SORCS1: variants seen among roughly 807,000 people sequenced by gnomAD.
The protein encoded by SORCS1 is sortilin related VPS10 domain containing receptor 1, also known as VPS10 domain-containing receptor SorCS1.
Under a neutral mutation model 146.1 loss-of-function variants are expected in SORCS1, and 60 were observed. The ratio of observed to expected loss-of-function variants is 0.41; its 90% CI spans 0.33 to 0.51. The LOEUF (loss-of-function observed/expected upper bound fraction) is 0.51, where lower values mean the gene tolerates loss of function less well. Ranked by LOEUF, SORCS1 falls within the 20% of genes least tolerant of loss-of-function variation. The pLI is 0.21. For synonymous variants in SORCS1, 637 were observed against 584.0 expected (o/e 1.09, Z -1.31); for missense variants, 1,352 against 1,487.6 (o/e 0.91, Z 1.50).
At position 106,953,174 on chromosome 10, in the gene SORCS1, T is replaced by C. The variant is rs187892899; in HGVS notation, c.626+3339A>G. ...GTGTGTGTGTGTGTGTGTGTGTGTG[T>C]GCATGCGTGTGTGTATACGCATGGT... is the stretch of plus-strand genomic sequence containing the variant. On this transcript the variant is annotated intron_variant, in intron 2 of 25. Transcript: ENST00000263054. Among the ~76,000 whole-genome samples, 544 of 150,074 alleles carry C rather than the reference T, an allele frequency of 3.6e-3. 1 individual carries two copies. The highest frequency in any genetic ancestry group is 0.012 in the African/African-American group (506 of 40,692).
At chr10:106,952,547 T>C (rs1174404749) in intron 2 of SORCS1, among the ~76,000 whole-genome samples, 1 of 124,086 alleles carries the variant, frequency 8.1e-6, no homozygotes, top group Non-Finnish European at 1.5e-5. Flanking sequence ...ACATTATATA[T>C]TATATTATAT....
intron 1 of SORCS1, among the ~76,000 whole-genome samples, chr10:107,084,659 A>G (rs1963628486): frequency 6.6e-6 from 1 of 152,150 alleles, no homozygotes; most frequent in African/African-American, 2.4e-5. Context: ...TTACAAATGC[A>G]AGCTAATCAA....
At chr10:106,931,396 C>T (rs1468064479) in intron 2 of SORCS1, among the ~76,000 whole-genome samples, 2 of 152,190 alleles carry the variant, frequency 1.3e-5, no homozygotes, top group Non-Finnish European at 2.9e-5. Flanking sequence ...GCTACAAAAA[C>T]AACTGCAAGA....
intron 24 of SORCS1, among the ~76,000 whole-genome samples, chr10:106,588,722 G>A (rs375125957): frequency 6.6e-6 from 1 of 151,690 alleles, no homozygotes; most frequent in South Asian, 2.1e-4. Context: ...TTAGCCGGGC[G>A]TGGTGGCAGG....
the SORCS1 span, among the ~76,000 whole-genome samples, chr10:107,180,389 C>T: frequency 0.64 from 80,824 of 127,032 alleles, 22,338 homozygotes; most frequent in Middle Eastern, 0.74. Context: ...AAGGTGTTGG[C>T]TGGGCTTAGG....
intron 2 of SORCS1, among the ~76,000 whole-genome samples, chr10:106,905,776 A>G (rs1208957287): frequency 3.9e-5 from 6 of 152,218 alleles, no homozygotes; most frequent in Non-Finnish European, 8.8e-5. Flanking sequence ...GTGTGCCTGT[A>G]TGCATTTGTA....
At chr10:107,025,783 G>A (rs552961032) in intron 1 of SORCS1, among the ~76,000 whole-genome samples, 36 of 152,298 alleles carry the variant, frequency 2.4e-4, no homozygotes, top group Admixed American at 5.9e-4. Flanking sequence ...TAGGAACCAC[G>A]GGAGTCTTTT....
In SORCS1 at chr10:107,000,015, T is replaced by A. The variant is rs183268327; in HGVS notation, c.559-43435A>T. Among the ~76,000 whole-genome samples, 48 of 151,706 alleles carry A rather than the reference T, an allele frequency of 3.2e-4. 2 individuals carry two copies. Among genetic ancestry groups the A allele is most frequent in the East Asian group, 3.1e-3 (16 of 5,152 alleles). On this transcript the variant is annotated intron_variant, in intron 1 of 25. Coordinates refer to ENST00000263054, the MANE Select transcript of SORCS1 (RefSeq NM_052918.5). ...TAGGGGCAAGCCAGAAAGAATCAGGTGAGGAGGGAAGCAGAGAAGTGGGAG... is the reference window on the plus strand; with the variant it reads ...TAGGGGCAAGCCAGAAAGAATCAGGAGAGGAGGGAAGCAGAGAAGTGGGAG...
rs187547433 is a variant in SORCS1 at position 106,883,389 on chromosome 10, A to T, written c.627-53716T>A. Among the ~76,000 whole-genome samples the T allele has an allele frequency of 5.9e-5, 9 of 151,650 alleles. No homozygotes were observed. In the East Asian group the frequency reaches 1.6e-3, roughly 26 times the overall value. ...GGGGCCATAGGAGCTAAAGTGCAAC[A>T]TCATTTAAAAATATAATTAGCAAAT... On this transcript the variant is annotated intron_variant, in intron 2 of 25. Transcript: ENST00000263054.
intron 5 of SORCS1, among the ~76,000 whole-genome samples, chr10:106,739,623 C>T (rs374687400): frequency 8.6e-5 from 13 of 151,392 alleles, no homozygotes; most frequent in African/African-American, 2.4e-4. Context: ...CTGGCTAACA[C>T]GATGAAACCC....
the SORCS1 span, among the ~76,000 whole-genome samples, chr10:107,170,077 AT>A: frequency 6.6e-6 from 1 of 152,194 alleles, no homozygotes; most frequent in Admixed American, 6.5e-5. Flanking sequence ...GTATTATTAG[AT>A]TTTTGAAAAT....
At chr10:107,082,868 T>C (rs559941966) in intron 1 of SORCS1, among the ~76,000 whole-genome samples, 1 of 152,030 alleles carries the variant, frequency 6.6e-6, no homozygotes, top group East Asian at 1.9e-4. Flanking sequence ...TCTGTGAAAG[T>C]CAGCTGCTTG....
At chr10:106,810,905 T>C (rs577602831) in intron 3 of SORCS1, among the ~76,000 whole-genome samples, 1 of 152,164 alleles carries the variant, frequency 6.6e-6, no homozygotes, top group South Asian at 2.1e-4. Flanking sequence ...GGCTAGTTTT[T>C]ATGTCAAAGG....
intron 21 of SORCS1, among the ~76,000 whole-genome samples, chr10:106,614,685 T>C: frequency 6.6e-6 from 1 of 152,160 alleles, no homozygotes; most frequent in South Asian, 2.1e-4. Flanking sequence ...TTTATCTTAG[T>C]AAAAGGACAC....
At chr10:106,913,009 T>C (rs916539758) in intron 2 of SORCS1, among the ~76,000 whole-genome samples, 1 of 151,722 alleles carries the variant, frequency 6.6e-6, no homozygotes, top group Non-Finnish European at 1.5e-5. Flanking sequence ...TAAAGATTCA[T>C]ATAGAGTTCT....
At chr10:106,913,453 G>C (rs929875871) in intron 2 of SORCS1, among the ~76,000 whole-genome samples, 2 of 152,208 alleles carry the variant, frequency 1.3e-5, no homozygotes, top group Admixed American at 6.5e-5. Context: ...GGAGGCGATA[G>C]TATTTACATC....
At chr10:106,984,771 T>C (rs2139391035) in intron 1 of SORCS1, among the ~76,000 whole-genome samples, 1 of 152,250 alleles carries the variant, frequency 6.6e-6, no homozygotes, top group African/African-American at 2.4e-5. Context: ...AATTTTATCT[T>C]TATAGACACA....
intron 1 of SORCS1, among the ~76,000 whole-genome samples, chr10:107,016,154 TGACA>T (rs1957888384): frequency 6.6e-6 from 1 of 152,124 alleles, no homozygotes; most frequent in South Asian, 2.1e-4. Flanking sequence ...ATAGACAAAT[TGACA>T]AACATGGAAG....
At chr10:107,143,078 T>C (rs1356131747) in intron 1 of SORCS1, among the ~76,000 whole-genome samples, 1 of 152,238 alleles carries the variant, frequency 6.6e-6, no homozygotes, top group Non-Finnish European at 1.5e-5. Flanking sequence ...CCCTCTATAG[T>C]GTTATCTTGA....
Sources: allele counts gnomAD v4.1 joint callset (sites outside exome capture counted in the v4.1 genomes callset), GRCh38; gene constraint gnomAD v4.1.1; transcripts MANE v1.5; gene names NCBI Gene and HGNC (gene_info 2026-07-23, HGNC 2026-07-21).